OR3A2: variants seen among roughly 807,000 people sequenced by gnomAD.
OR3A2 encodes olfactory receptor family 3 subfamily A member 2.
For missense variants in OR3A2, 318 were observed against 392.8 expected (o/e 0.81, Z 1.61); for synonymous variants, 126 against 159.3 (o/e 0.79, Z 1.57).
chr17:3,322,771 T>G (rs1235172376), intron 3 of OR3A2, among the ~76,000 whole-genome samples: 1 of 152,204 alleles, frequency 6.6e-6, no homozygotes, highest in Non-Finnish European at 1.5e-5. Flanking sequence ...TTACATTTGC[T>G]GAGGAGTGCT....
chr17:3,329,081 T>C (rs62091265), intron 3 of OR3A2, among the ~76,000 whole-genome samples: 1 of 150,576 alleles, frequency 6.6e-6, no homozygotes, highest in Non-Finnish European at 1.5e-5. Context: ...ATGGTGGATA[T>C]GCTTTTTGAT....
chr17:3,276,114 A>G (rs1303878330), downstream of OR3A2, among the ~76,000 whole-genome samples: 1 of 151,026 alleles, frequency 6.6e-6, no homozygotes, highest in Non-Finnish European at 1.5e-5. Context: ...AAGAAAAAAA[A>G]AGAAAAAAAA....
intron 3 of OR3A2, chr17:3,291,642 A>G: frequency 6.3e-7 from 1 of 1,596,264 alleles, no homozygotes; most frequent in Non-Finnish European, 8.6e-7. Context: ...TCCTCAAGCC[A>G]GTGACCGCCT....
Position 3,311,063 on chromosome 17 carries a change from G to A in OR3A2, c.-85+24970C>T. 1.8e-6 allele frequency: 1 copy of A among 545,818 alleles called. No individual in the cohort carries two copies. Among genetic ancestry groups the A allele is most frequent in the South Asian group, 1.4e-5 (1 of 72,556 alleles). The allele number at this position is 545,818 out of a possible 1,614,324, so 33.8% of individuals were successfully genotyped here. A position where few individuals can be genotyped will look rare whatever the true frequency, so the allele number is the denominator to read the frequency against. ...CGTGTAGTTCCCACCTCACTGTGGT[G>A]GGCATCTTCTATGGGACGGGCGTCT... On this transcript the variant is annotated intron_variant, in intron 3 of 4. Coordinates refer to the OR3A2 transcript ENST00000573491. This position sits in a 1 kb window ranked among gnomAD's most constrained non-coding sequence, Gnocchi z 4.6.
At chr17:3,303,934 T>TTATATA (rs35478727) in intron 3 of OR3A2, among the ~76,000 whole-genome samples, 4 of 144,508 alleles carry the variant, frequency 2.8e-5, no homozygotes, top group South Asian at 2.1e-4. Flanking sequence ...AATATATATA[T>TTATATA]TATATATATA....
chr17:3,379,480 C>T (rs1076574), intron 2 of OR3A2, among the ~76,000 whole-genome samples: 22,994 of 152,112 alleles, frequency 0.15, 2,310 homozygotes, highest in African/African-American at 0.28. Flanking sequence ...GTGTGAGGCT[C>T]GGCTGCCACG....
chr17:3,348,737 C>G (rs922239054), intron 2 of OR3A2, among the ~76,000 whole-genome samples: 1 of 151,942 alleles, frequency 6.6e-6, no homozygotes, highest in Non-Finnish European at 1.5e-5. Context: ...GTCAGATTCA[C>G]CAAAGTTGAA....
chr17:3,373,188 T>G (rs2049647784), intron 2 of OR3A2, among the ~76,000 whole-genome samples: 1 of 152,220 alleles, frequency 6.6e-6, no homozygotes. Context: ...TTTCTTAAAC[T>G]TATTGAGACT....
In OR3A2 at chr17:3,300,568, A is replaced by T. The variant is rs577012800; in HGVS notation, c.-84-21415T>A. Among the ~76,000 whole-genome samples, 271 of 152,164 alleles carry T rather than the reference A, an allele frequency of 1.8e-3. 2 individuals carry two copies. Among genetic ancestry groups the T allele is most frequent in the African/African-American group, 5.8e-3 (241 of 41,504 alleles). On this transcript the variant is annotated intron_variant, in intron 3 of 4. Coordinates refer to the OR3A2 transcript ENST00000573491. ...AGTGAGAATCGGTCTCAAAATAAAT[A>T]AATTAATTAATTAATTAAATAAAAT...
chr17:3,358,084 C>A (rs1046995111), intron 2 of OR3A2, among the ~76,000 whole-genome samples: 2 of 151,490 alleles, frequency 1.3e-5, no homozygotes, highest in Admixed American at 1.3e-4. Flanking sequence ...TACTGGCAGG[C>A]TCATTGGCCT....
intron 2 of OR3A2, among the ~76,000 whole-genome samples, chr17:3,346,293 C>T (rs544073595): frequency 6.6e-6 from 1 of 152,178 alleles, no homozygotes; most frequent in South Asian, 2.1e-4. Context: ...TTTATAAGTA[C>T]ATGAGATATT....
intron 3 of OR3A2, among the ~76,000 whole-genome samples, chr17:3,304,337 A>G (rs1035171210): frequency 1.3e-5 from 2 of 152,164 alleles, no homozygotes; most frequent in East Asian, 1.9e-4. Context: ...CCTCTTCTCC[A>G]GTACTTTCCC....
intron 2 of OR3A2, among the ~76,000 whole-genome samples, chr17:3,382,295 G>A (rs1313275965): frequency 7.9e-5 from 12 of 152,224 alleles, no homozygotes; most frequent in Admixed American, 7.9e-4. Flanking sequence ...AGGCAAGAGG[G>A]AAACTGGCAG....
In OR3A2 at chr17:3,312,663, C is replaced by T. The variant is rs557800812; in HGVS notation, c.-85+23370G>A. 3.9e-5 allele frequency among the ~76,000 whole-genome samples: 6 copies of T among 152,288 alleles called. No homozygotes were observed. In the South Asian group the frequency reaches 1.0e-3, roughly 26 times the overall value. On this transcript the variant is annotated intron_variant, in intron 3 of 4. Coordinates refer to the OR3A2 transcript ENST00000573491. Reference sequence around the variant, plus strand: ...TTTATGAGATGGAGTTTCGCTCGGTCGCCCAGGCTGGAGTGCAGCGGCACG... The same window carrying T: ...TTTATGAGATGGAGTTTCGCTCGGTTGCCCAGGCTGGAGTGCAGCGGCACG...
chr17:3,330,968 A>T (rs2049227330), intron 3 of OR3A2, among the ~76,000 whole-genome samples: 1 of 151,890 alleles, frequency 6.6e-6, no homozygotes. Context: ...TCCTTCACTT[A>T]TGAAGCTTAG....
rs2519718 is a variant in OR3A2 at position 3,307,696 on chromosome 17, C to T, written c.-85+28337G>A. 6.4e-3 allele frequency among the ~76,000 whole-genome samples: 978 copies of T among 152,266 alleles called. 10 individuals are homozygous for T. Among genetic ancestry groups the T allele is most frequent in the African/African-American group, 0.021 (857 of 41,538 alleles). ...TGTGGGAGCCCAGAAAAAGGCAAAG[C>T]GCTTGACTGAGACTAGAAGAGAAGC... On this transcript the variant is annotated intron_variant, in intron 3 of 4. Coordinates refer to the OR3A2 transcript ENST00000573491.
chr17:3,348,920 C>T (rs187348629), intron 2 of OR3A2, among the ~76,000 whole-genome samples: 1,764 of 152,084 alleles, frequency 0.012, 36 homozygotes, highest in African/African-American at 0.04. Flanking sequence ...AATTTCATAT[C>T]CAGCCAAACT....
intron 2 of OR3A2, among the ~76,000 whole-genome samples, chr17:3,369,614 G>T (rs1597361653): frequency 6.6e-6 from 1 of 152,120 alleles, no homozygotes; most frequent in East Asian, 1.9e-4. Flanking sequence ...TTTTCGATAT[G>T]CTGTTGGATT....
chr17:3,369,183 C>T (rs796195775), intron 2 of OR3A2, among the ~76,000 whole-genome samples: 33 of 152,298 alleles, frequency 2.2e-4, no homozygotes, highest in Middle Eastern at 3.4e-3. Flanking sequence ...CTTCAGTGAA[C>T]AGTGACAGCT....
Sources: gnomAD v4.1 joint callset for allele counts (sites outside exome capture counted in the v4.1 genomes callset) on GRCh38, gnomAD v4.1.1 for gene constraint, Gnocchi (gnomAD v3.1) non-coding constraint, MANE v1.5 for transcripts, NCBI Gene and HGNC (gene_info 2026-07-23, HGNC 2026-07-21) for gene names.